GRAMD1B: variants seen among roughly 807,000 people sequenced by gnomAD.
GRAMD1B encodes the protein protein Aster-B.
In GRAMD1B, 37 loss-of-function variants were observed where a neutral mutation model predicts 99.7. The ratio of observed to expected loss-of-function variants is 0.37; its 90% CI spans 0.29 to 0.49. The LOEUF (loss-of-function observed/expected upper bound fraction) is 0.49, where lower values mean the gene tolerates loss of function less well. Ranked by LOEUF, GRAMD1B falls within the 20% of genes least tolerant of loss-of-function variation. GRAMD1B has a pLI of 0.98. For synonymous variants in GRAMD1B, 427 were observed against 387.6 expected, an observed-to-expected ratio of 1.10 and a Z score of -1.19; for missense variants, 888 against 1,009.2, an observed-to-expected ratio of 0.88 and a Z score of 1.63.
At chr11:123,586,616 C>G (rs1950103735) in intron 4 of GRAMD1B, among the ~76,000 whole-genome samples, 1 of 152,204 alleles carries the variant, frequency 6.6e-6, no homozygotes, top group Admixed American at 6.5e-5. Context: ...GCAGATGCCT[C>G]CTTAGGAGCT....
At chr11:123,504,321 A>G (rs1295995926) in intron 2 of GRAMD1B, among the ~76,000 whole-genome samples, 1 of 152,212 alleles carries the variant, frequency 6.6e-6, no homozygotes, top group Non-Finnish European at 1.5e-5. Flanking sequence ...ACTTGTATTC[A>G]GAGAGTCCTT....
rs1396226000 is a variant in GRAMD1B, at chr11:123,619,362, A to G, written c.2544+138A>G. Reference sequence around the variant, plus strand: ...AATTCATTCTTCCTCCAGGCCATGCATTGTTCTAAATGGAAAGCCTTCCTT... The same window carrying G: ...AATTCATTCTTCCTCCAGGCCATGCGTTGTTCTAAATGGAAAGCCTTCCTT... On this transcript the variant is annotated intron_variant, in intron 19 of 19. Transcript: ENST00000635736. 2.6e-6 allele frequency: 4 copies of G among 1,519,072 alleles called. No individual in the cohort carries two copies. The African/African-American group carries it at 5.5e-5, about 21-fold the overall frequency. The allele number at this position is 1,519,072 out of a possible 1,614,324, so 94.1% of individuals were successfully genotyped here. A position where few individuals can be genotyped will look rare whatever the true frequency, so the allele number is the denominator to read the frequency against.
chr11:123,427,788 C>T (rs1948706531), upstream of GRAMD1B, among the ~76,000 whole-genome samples: 2 of 152,170 alleles, frequency 1.3e-5, no homozygotes, highest in Admixed American at 6.6e-5. Context: ...TAGATTCCTG[C>T]TTGGAGGTTT....
chr11:123,531,013 C>T (rs1046626750), intron 2 of GRAMD1B, among the ~76,000 whole-genome samples: 1 of 152,328 alleles, frequency 6.6e-6, no homozygotes, highest in South Asian at 2.1e-4. Flanking sequence ...AAAAAGGCCA[C>T]AGTCCTGATA....
At chr11:123,406,476 A>G (rs1236489827) in intron 1 of GRAMD1B, among the ~76,000 whole-genome samples, 2 of 151,538 alleles carry the variant, frequency 1.3e-5, no homozygotes, top group African/African-American at 2.4e-5. Flanking sequence ...CTGGTCTCGA[A>G]CTCCTGACCT....
chr11:123,375,771 C>A (rs1238189209), intron 1 of GRAMD1B, among the ~76,000 whole-genome samples: 1 of 152,128 alleles, frequency 6.6e-6, no homozygotes, highest in East Asian at 1.9e-4. Flanking sequence ...AAGTACAAGG[C>A]ATGTCATGTT....
chr11:123,507,881 A>T (rs1167192800), intron 2 of GRAMD1B, among the ~76,000 whole-genome samples: 1 of 152,114 alleles, frequency 6.6e-6, no homozygotes, highest in Admixed American at 6.5e-5. Context: ...AAATGTTAAG[A>T]GGTTGGAAAT....
At chr11:123,507,734 G>A (rs1565309496) in intron 2 of GRAMD1B, among the ~76,000 whole-genome samples, 1 of 152,038 alleles carries the variant, frequency 6.6e-6, no homozygotes, top group Non-Finnish European at 1.5e-5. Context: ...TTTCCTTAAT[G>A]TTTAATAATG....
rs371394159 is a variant in GRAMD1B at position 123,601,388 on chromosome 11, T to TAA, written c.1050+852_1050+853dup. Among the ~76,000 whole-genome samples, 214 of 144,648 alleles carry TAA rather than the reference T, an allele frequency of 1.5e-3. 3 individuals are homozygous for TAA. The highest frequency in any genetic ancestry group is 8.8e-4 in the Non-Finnish European group (58 of 65,966). The allele number at this position is 144,648 out of a possible 152,430, so 94.9% of individuals were successfully genotyped here. ...TGACAGAGCAAGACCCTGTTTCAAT[T>TAA]AAAAAAAAAAAAAGTTCCCACTCAG... is the stretch of plus-strand genomic sequence containing the variant. On this transcript the variant is annotated intron_variant, in intron 8 of 19. Coordinates refer to ENST00000635736, the MANE Select transcript of GRAMD1B (RefSeq NM_001387025.1).
intron 7 of GRAMD1B, 137 bp from the exon 8 acceptor site, chr11:123,600,331 C>A (rs1299795101): frequency 8.5e-6 from 5 of 589,356 alleles, no homozygotes; most frequent in Non-Finnish European, 1.5e-5. Flanking sequence ...AGCGGATGTA[C>A]GTGATCACAG....
At chr11:123,571,483 C>A (rs1948083637) in intron 2 of GRAMD1B, among the ~76,000 whole-genome samples, 1 of 152,158 alleles carries the variant, frequency 6.6e-6, no homozygotes, top group African/African-American at 2.4e-5. Flanking sequence ...AGGATCAAAC[C>A]ATAGGTAGCA....
chr11:123,482,105 T>A (rs759096816), intron 2 of GRAMD1B, among the ~76,000 whole-genome samples: 2 of 152,016 alleles, frequency 1.3e-5, no homozygotes, highest in Non-Finnish European at 2.9e-5. Context: ...ATTTTTAATT[T>A]TTTTTTTTTC....
chr11:123,427,404 T>G (rs565947256), upstream of GRAMD1B, among the ~76,000 whole-genome samples: 1 of 152,282 alleles, frequency 6.6e-6, no homozygotes, highest in South Asian at 2.1e-4. Context: ...GAAGACACAG[T>G]GTGATGTATG....
chr11:123,452,602 T>C (rs1014901263), intron 1 of GRAMD1B, among the ~76,000 whole-genome samples: 1 of 151,784 alleles, frequency 6.6e-6, no homozygotes, highest in East Asian at 1.9e-4. Context: ...GCCAAGATGG[T>C]GCCACTGCAC....
chr11:123,457,177 A>G (rs1950198576), intron 1 of GRAMD1B, among the ~76,000 whole-genome samples: 1 of 132,534 alleles, frequency 7.5e-6, no homozygotes, highest in Non-Finnish European at 1.7e-5. Context: ...TCCTGCTGTG[A>G]AGTATCGGCT....
At chr11:123,496,300 G>A (rs150832069) in intron 2 of GRAMD1B, among the ~76,000 whole-genome samples, 1 of 151,676 alleles carries the variant, frequency 6.6e-6, no homozygotes, top group East Asian at 1.9e-4. Context: ...TTCCTAGCTT[G>A]TCAGGTTTGC....
intron 17 of GRAMD1B, 70 bp downstream of exon 17, chr11:123,614,905 G>T (rs536912940): frequency 7.1e-6 from 6 of 843,966 alleles, no homozygotes; most frequent in Admixed American, 2.1e-5. Context: ...CCCAGCCCTC[G>T]TCTCTTGAAG....
chr11:123,372,701 A>C (rs903642979), intron 1 of GRAMD1B, among the ~76,000 whole-genome samples: 1 of 152,202 alleles, frequency 6.6e-6, no homozygotes, highest in Non-Finnish European at 1.5e-5. Context: ...TGTGTGTTTA[A>C]GGTGAAATAA....
At chr11:123,524,951 C>T (rs1286292323) in intron 2 of GRAMD1B, among the ~76,000 whole-genome samples, 1 of 152,150 alleles carries the variant, frequency 6.6e-6, no homozygotes, top group Admixed American at 6.5e-5. Flanking sequence ...CAGGCCCCAG[C>T]CTGGAGGATC....
Sources: gnomAD v4.1 joint callset for allele counts (sites outside exome capture counted in the v4.1 genomes callset) on GRCh38, gnomAD v4.1.1 for gene constraint, MANE v1.5 for transcripts, NCBI Gene and HGNC (gene_info 2026-07-23, HGNC 2026-07-21) for gene names.